Variants in UBIAD1 observed in about 807,000 individuals in gnomAD.
UBIAD1 encodes the protein UbiA prenyltransferase domain containing 1.
Under a neutral mutation model 20.1 loss-of-function variants are expected in UBIAD1, and 12 were observed. The observed-to-expected ratio is 0.60, with a 90% CI of 0.38 to 0.97. The LOEUF (loss-of-function observed/expected upper bound fraction) is 0.97, where lower values mean the gene tolerates loss of function less well. Among genes scored for constraint, UBIAD1 ranks in the 50% least tolerant of loss-of-function variants. The probability of loss-of-function intolerance (pLI) is 0.00; values close to 1 mark genes in which losing one functional copy is unlikely to be tolerated. For synonymous variants in UBIAD1, 207 were observed against 189.2 expected (o/e 1.09, Z -0.77); for missense variants, 333 against 419.5 (o/e 0.79, Z 1.80).
At chr1:11,274,330 G>A (rs1651915789) in intron 1 of UBIAD1, among the ~76,000 whole-genome samples, 2 of 152,236 alleles carry the variant, frequency 1.3e-5, no homozygotes, top group South Asian at 4.2e-4. Flanking sequence ...ACGGAGTCTC[G>A]CTCTGTCGCC....
intron 1 of UBIAD1, among the ~76,000 whole-genome samples, chr1:11,276,933 A>C (rs547564390): frequency 3.3e-4 from 50 of 152,162 alleles, no homozygotes; most frequent in African/African-American, 1.2e-3. Context: ...CACCCACACC[A>C]CTTCAAAAAT....
downstream of UBIAD1, among the ~76,000 whole-genome samples, chr1:11,289,963 C>G (rs928110363): frequency 1.3e-5 from 2 of 152,104 alleles, no homozygotes; most frequent in Non-Finnish European, 2.9e-5. Flanking sequence ...AACTCCTGAC[C>G]TTGAGATTCA....
intron 1 of UBIAD1, among the ~76,000 whole-genome samples, chr1:11,279,709 C>G (rs1652180520): frequency 6.6e-6 from 1 of 152,240 alleles, no homozygotes; most frequent in Non-Finnish European, 1.5e-5. Context: ...AGCCACTGCG[C>G]CTGGCCAACT....
At position 11,287,214 on chromosome 1, in the gene UBIAD1, G is replaced by C. The variant is rs1638287928; in HGVS notation, c.*1083G>C. ...CAGTGGACAAACAGTCTTGAGCTCTGTTCAGCCAGAGTGATGGGCCCTGCC... is the reference window on the plus strand; with the variant it reads ...CAGTGGACAAACAGTCTTGAGCTCTCTTCAGCCAGAGTGATGGGCCCTGCC... On this transcript the variant is annotated 3_prime_UTR_variant, in exon 2 of 2. Transcript: ENST00000376810. 6.6e-6 allele frequency: 1 copy of C among 152,290 alleles called. No individual in the cohort carries two copies. The highest frequency in any genetic ancestry group is 1.9e-4 in the East Asian group (1 of 5,200). The allele number at this position is 152,290 out of a possible 1,614,324, so 9.4% of individuals were successfully genotyped here. A position where few individuals can be genotyped will look rare whatever the true frequency, so the allele number is the denominator to read the frequency against.
At position 11,273,795 on chromosome 1, in the gene UBIAD1, C is replaced by G. The variant is rs760910518; in HGVS notation, c.264C>G (p.Ala88=). The part of the protein sequence containing the change: ...VLDPRLLVGC[A]VAVLAVHGAG... ...ATCCCAGGCTCTTGGTGGGTTGTGCCGTGGCTGTCCTGGCTGTGCACGGGG... is the reference window on the plus strand; with the variant it reads ...ATCCCAGGCTCTTGGTGGGTTGTGCGGTGGCTGTCCTGGCTGTGCACGGGG... The change falls in exon 1 of 2, where the codon GCC becomes GCG. Residue 88 remains alanine, a synonymous_variant. Coordinates refer to ENST00000376810, the MANE Select transcript of UBIAD1 (RefSeq NM_013319.3). This position sits in a 1 kb window ranked among gnomAD's most constrained non-coding sequence, Gnocchi z 4.9. 2.5e-6 allele frequency: 4 copies of G among 1,614,130 alleles called. No individual in the cohort carries two copies. Among genetic ancestry groups the G allele is most frequent in the Non-Finnish European group, 3.4e-6 (4 of 1,180,022 alleles).
At chr1:11,277,762 C>A (rs115079012) in intron 1 of UBIAD1, among the ~76,000 whole-genome samples, 4 of 152,066 alleles carry the variant, frequency 2.6e-5, no homozygotes, top group Non-Finnish European at 5.9e-5. Flanking sequence ...GTTCTGCCTC[C>A]GCCTCCCAAG....
chr1:11,291,488 TC>T (rs1183202517), downstream of UBIAD1, among the ~76,000 whole-genome samples: 2 of 150,766 alleles, frequency 1.3e-5, no homozygotes, highest in Non-Finnish European at 2.9e-5. Flanking sequence ...ACAACTGTAA[TC>T]CCAGCGACTC....
downstream of UBIAD1, among the ~76,000 whole-genome samples, chr1:11,296,822 C>G (rs552647639): frequency 3.3e-5 from 5 of 152,306 alleles, 1 homozygote; most frequent in South Asian, 1.0e-3. Flanking sequence ...TTCCAGCCCC[C>G]TTTCCTTTCT....
At position 11,274,356 on chromosome 1, in the gene UBIAD1, T is replaced by G. The variant is rs913359052; in HGVS notation, c.529+296T>G. Among the ~76,000 whole-genome samples, 4 of 152,220 alleles carry G rather than the reference T, an allele frequency of 2.6e-5. No individual in the cohort carries two copies. The East Asian group carries it at 5.8e-4, about 22-fold the overall frequency. On this transcript the variant is annotated intron_variant, in intron 1 of 1. Coordinates refer to ENST00000376810, the MANE Select transcript of UBIAD1 (RefSeq NM_013319.3). ...CTCTGTCGCCCAGGCTGGAGTGCAG[T>G]GGTGCGATCTCGGCCCACTGCAGCC...
At chr1:11,297,618 C>T (rs1187231945), downstream of UBIAD1, among the ~76,000 whole-genome samples, 1 of 152,308 alleles carries the variant, frequency 6.6e-6, no homozygotes, top group East Asian at 1.9e-4. Context: ...CCTGGCTGTG[C>T]TGAGATCAGA....
chr1:11,282,716 C>CTA (rs879366919), intron 1 of UBIAD1, among the ~76,000 whole-genome samples: 10 of 151,502 alleles, frequency 6.6e-5, no homozygotes, highest in East Asian at 1.9e-4. Context: ...GCGTGCACCA[C>CTA]CATGCCCGGC....
intron 1 of UBIAD1, among the ~76,000 whole-genome samples, chr1:11,274,454 A>G (rs1341988532): frequency 6.6e-6 from 1 of 151,770 alleles, no homozygotes; most frequent in African/African-American, 2.4e-5. Flanking sequence ...GCACGCCACC[A>G]CGCCTGGCTG....
intron 1 of UBIAD1, among the ~76,000 whole-genome samples, chr1:11,278,074 C>CA (rs1159329183): frequency 2.6e-5 from 4 of 152,220 alleles, no homozygotes; most frequent in South Asian, 2.1e-4. Flanking sequence ...CATCCTACCT[C>CA]AGTCTCCTAA....
intron 1 of UBIAD1, among the ~76,000 whole-genome samples, chr1:11,277,160 C>G (rs571909002): frequency 6.6e-6 from 1 of 151,926 alleles, no homozygotes; most frequent in Non-Finnish European, 1.5e-5. Flanking sequence ...TCGCTTGAAC[C>G]TGGGAGGTTG....
downstream of UBIAD1, among the ~76,000 whole-genome samples, chr1:11,292,306 G>T (rs796835410): frequency 1.6e-4 from 24 of 152,224 alleles, no homozygotes; most frequent in African/African-American, 5.8e-4. Context: ...CACCTGGCCA[G>T]ATCAGGAAGG....
In UBIAD1 at chr1:11,285,795, C is replaced by T; in HGVS notation, c.681C>T (p.Ala227=). 1 of 1,614,218 alleles carries T rather than the reference C, an allele frequency of 6.2e-7. No homozygotes were observed. The highest frequency in any genetic ancestry group is 8.5e-7 in the Non-Finnish European group (1 of 1,180,040). ...TCCCCCTCGCCCTCAGCACCGAGGC[C>T]ATTCTCCATTCCAACAACACCAGGG... ...YAIPLALSTE[A]ILHSNNTRDM... The change falls in exon 2 of 2, where the codon GCC becomes GCT. Residue 227 remains alanine, a synonymous_variant. Transcript: ENST00000376810. This position sits in a 1 kb window ranked among gnomAD's most constrained non-coding sequence, Gnocchi z 4.4.
chr1:11,294,536 G>T (rs769107980), intron 1 of UBIAD1, among the ~76,000 whole-genome samples: 2 of 152,176 alleles, frequency 1.3e-5, no homozygotes, highest in Non-Finnish European at 2.9e-5. Flanking sequence ...CCGCTCCCAA[G>T]TGTGTGAGTG....
intron 1 of UBIAD1, among the ~76,000 whole-genome samples, chr1:11,275,760 GT>G (rs1246221520): frequency 1.3e-5 from 2 of 151,880 alleles, no homozygotes; most frequent in Admixed American, 1.3e-4. Flanking sequence ...TAGTATTTGA[GT>G]TGAGTTACAT....
chr1:11,284,800 C>CT (rs1478555705), intron 1 of UBIAD1, among the ~76,000 whole-genome samples: 3 of 151,968 alleles, frequency 2.0e-5, no homozygotes, highest in African/African-American at 7.3e-5. Flanking sequence ...ACTCTAACGC[C>CT]TTTTTAGAGA....
Sources: allele counts gnomAD v4.1 joint callset (sites outside exome capture counted in the v4.1 genomes callset), GRCh38; gene constraint gnomAD v4.1.1; non-coding constraint Gnocchi (gnomAD v3.1); transcripts MANE v1.5; gene names NCBI Gene and HGNC (gene_info 2026-07-23, HGNC 2026-07-21).